PARD3B: variants seen among roughly 807,000 people sequenced by gnomAD.
PARD3B encodes the protein partitioning defective 3 homolog B.
PARD3B carries 103 observed loss-of-function variants against 130.2 expected under a neutral mutation model. The observed-to-expected ratio is 0.79, with a 90% CI of 0.67 to 0.93. The LOEUF is 0.93. Ranked by LOEUF, PARD3B falls within the 40% of genes least tolerant of loss-of-function variation. The pLI, the probability that PARD3B is intolerant of heterozygous loss-of-function variation, is 0.00. For synonymous variants in PARD3B, 583 were observed against 553.2 expected (o/e 1.05, Z -0.76); for missense variants, 1,609 against 1,499.2 (o/e 1.07, Z -1.21).
chr2:205,247,056 T>C, intron 16 of PARD3B, among the ~76,000 whole-genome samples: 1 of 152,212 alleles, frequency 6.6e-6, no homozygotes, highest in East Asian at 1.9e-4. Flanking sequence ...ATTCTACTGC[T>C]TATAGTTCTC....
intron 2 of PARD3B, among the ~76,000 whole-genome samples, chr2:204,831,958 C>T (rs2043840044): frequency 6.6e-6 from 1 of 152,124 alleles, no homozygotes; most frequent in Non-Finnish European, 1.5e-5. Flanking sequence ...AATAGATATC[C>T]ACGCCTGTAA....
At chr2:205,036,592 C>T (rs545314896) in intron 3 of PARD3B, among the ~76,000 whole-genome samples, 68 of 147,824 alleles carry the variant, frequency 4.6e-4, no homozygotes, top group Non-Finnish European at 7.6e-4. Context: ...ATATACACAG[C>T]GGACTGTATG....
At chr2:204,716,070 T>C (rs1208841053) in intron 2 of PARD3B, among the ~76,000 whole-genome samples, 4 of 152,224 alleles carry the variant, frequency 2.6e-5, no homozygotes. Context: ...GTACTTTAAA[T>C]GTAGGAACTA....
intron 1 of PARD3B, among the ~76,000 whole-genome samples, chr2:204,580,135 G>A (rs1228052057): frequency 6.6e-6 from 1 of 152,194 alleles, no homozygotes; most frequent in Non-Finnish European, 1.5e-5. Context: ...GCACAAACAT[G>A]GGAACCAGTA....
intron 20 of PARD3B, among the ~76,000 whole-genome samples, chr2:205,485,101 C>A (rs1285601200): frequency 6.6e-6 from 1 of 152,194 alleles, no homozygotes; most frequent in Non-Finnish European, 1.5e-5. Flanking sequence ...AATTAAGATT[C>A]TCTGCCTACT....
intron 21 of PARD3B, among the ~76,000 whole-genome samples, chr2:205,501,319 C>A (rs905513573): frequency 6.6e-6 from 1 of 152,072 alleles, no homozygotes; most frequent in Non-Finnish European, 1.5e-5. Flanking sequence ...GACTATGGAT[C>A]GGAACAAACA....
At chr2:205,369,482 A>G (rs849207) in intron 18 of PARD3B, among the ~76,000 whole-genome samples, 123,121 of 152,116 alleles carry the variant, frequency 0.81, 50,392 homozygotes, top group Admixed American at 0.9. Context: ...AAATTCTTTA[A>G]ACAGCCTACG....
At chr2:205,553,627 G>T (rs926752221) in intron 22 of PARD3B, among the ~76,000 whole-genome samples, 1 of 152,120 alleles carries the variant, frequency 6.6e-6, no homozygotes, top group Non-Finnish European at 1.5e-5. Flanking sequence ...GCAATTGAAC[G>T]TGTCAGCAAG....
chr2:205,255,082 A>G (rs2040020432), intron 16 of PARD3B, among the ~76,000 whole-genome samples: 1 of 151,956 alleles, frequency 6.6e-6, no homozygotes, highest in East Asian at 1.9e-4. Flanking sequence ...ACTCCCAGCT[A>G]GTCACAGTTA....
Position 204,718,881 on chromosome 2 carries a change from A to G in PARD3B, c.222+32599A>G, listed in dbSNP as rs539329040. On this transcript the variant is annotated intron_variant, in intron 2 of 22. Coordinates refer to ENST00000406610, the MANE Select transcript of PARD3B (RefSeq NM_001302769.2). The stretch of plus-strand genomic sequence containing the variant: ...ACCCTGGTTCCTTCAGAAACTGAAA[A>G]TGAGTCAGGTAATAACACATATATG... Among the ~76,000 whole-genome samples, 16 of 152,304 alleles carry G rather than the reference A, an allele frequency of 1.1e-4. No individual in the cohort carries two copies. The South Asian group carries it at 3.1e-3, about 30-fold the overall frequency.
rs117676707 is a variant in PARD3B at position 204,762,666 on chromosome 2, T to A, written c.222+76384T>A. Reference sequence around the variant, plus strand: ...AGGTCAGGCAATGACTTTTTCCCATTTGTTATTGTTTTGAATCTTATATGT... The same window carrying A: ...AGGTCAGGCAATGACTTTTTCCCATATGTTATTGTTTTGAATCTTATATGT... On this transcript the variant is annotated intron_variant, in intron 2 of 22. Transcript: ENST00000406610. Among the ~76,000 whole-genome samples the A allele has an allele frequency of 7.5e-3, 1,141 of 152,236 alleles. 42 individuals carry two copies. The East Asian group carries it at 0.085, about 11-fold the overall frequency.
In PARD3B at chr2:204,589,646, G is replaced by A. The variant is rs540030053; in HGVS notation, c.120+43527G>A. Among the ~76,000 whole-genome samples the A allele has an allele frequency of 3.3e-5, 5 of 152,246 alleles. No homozygotes were observed. The South Asian group carries it at 1.0e-3, about 32-fold the overall frequency. ...GTTTGACCTGAAGAGGTCCAGCTTT[G>A]GATGGATGGACCAGAAAGGAAAAAA... On this transcript the variant is annotated intron_variant, in intron 1 of 22. Transcript: ENST00000406610.
At chr2:205,330,992 C>G (rs1053386756) in intron 18 of PARD3B, among the ~76,000 whole-genome samples, 1 of 151,976 alleles carries the variant, frequency 6.6e-6, no homozygotes, top group Admixed American at 6.6e-5. Context: ...TCTTCCTCGA[C>G]GGAAAAGAAA....
chr2:205,007,215 C>G (rs971974268), intron 3 of PARD3B, among the ~76,000 whole-genome samples: 7 of 152,180 alleles, frequency 4.6e-5, no homozygotes, highest in African/African-American at 1.7e-4. Context: ...CCTTCACCTT[C>G]CACCGTGATT....
At chr2:205,303,107 G>A (rs78074623) in intron 18 of PARD3B, among the ~76,000 whole-genome samples, 4,720 of 151,944 alleles carry the variant, frequency 0.031, 204 homozygotes, top group African/African-American at 0.1. Flanking sequence ...CTTGTTTGTC[G>A]GGGGCTAAAA....
intron 18 of PARD3B, chr2:205,347,775 C>G (rs576880809): frequency 6.6e-6 from 1 of 152,118 alleles, no homozygotes; most frequent in African/African-American, 2.4e-5. Flanking sequence ...GCTACCTTGC[C>G]GGTTGCCTGG....
intron 18 of PARD3B, among the ~76,000 whole-genome samples, chr2:205,346,758 G>A (rs1380683455): frequency 6.6e-6 from 1 of 152,094 alleles, no homozygotes; most frequent in Non-Finnish European, 1.5e-5. Flanking sequence ...ATGTACTCTT[G>A]ATCTTTGCCA....
At chr2:205,331,353 C>A (rs978388556) in intron 18 of PARD3B, among the ~76,000 whole-genome samples, 1 of 152,004 alleles carries the variant, frequency 6.6e-6, no homozygotes, top group Admixed American at 6.6e-5. Flanking sequence ...GTCTCTTAAA[C>A]CCCTGAGCAG....
chr2:205,022,059 GCTTA>G (rs1280904280), intron 3 of PARD3B, among the ~76,000 whole-genome samples: 1 of 151,946 alleles, frequency 6.6e-6, no homozygotes, highest in African/African-American at 2.4e-5. Flanking sequence ...GTAATTATTT[GCTTA>G]CTTCATTGCT....
Sources: gnomAD v4.1 joint callset for allele counts (sites outside exome capture counted in the v4.1 genomes callset) on GRCh38, gnomAD v4.1.1 for gene constraint, MANE v1.5 for transcripts, NCBI Gene and HGNC (gene_info 2026-07-23, HGNC 2026-07-21) for gene names.